RELL1: variants seen among roughly 807,000 people sequenced by gnomAD.
RELL1 encodes the protein RELT-like protein 1.
In RELL1, 10 loss-of-function variants were observed where a neutral mutation model predicts 23.0. That is an observed-to-expected ratio of 0.43 (90% CI 0.27 to 0.74). The LOEUF is 0.74. RELL1 is among the 30% of genes least tolerant of loss of function. The pLI is 0.19. For synonymous variants in RELL1, 146 were observed against 146.8 expected (o/e 0.99, Z 0.04); for missense variants, 315 against 364.4 (o/e 0.86, Z 1.10).
chr4:37,643,694 T>C (rs550018186), intron 3 of RELL1, among the ~76,000 whole-genome samples: 2 of 152,364 alleles, frequency 1.3e-5, no homozygotes, highest in South Asian at 2.1e-4. Flanking sequence ...GTTCAAGTTA[T>C]GTTAATCATT....
chr4:37,612,402 G>C lies in RELL1; in HGVS notation c.*944C>G, dbSNP rs78768375. ...TATATTCCCAGCACTTTGGGAGGCC[G>C]AGGCGGGTAGATCGCCTGAGGTCAG... On this transcript the variant is annotated 3_prime_UTR_variant, in exon 7 of 7. Coordinates refer to ENST00000454158, the MANE Select transcript of RELL1 (RefSeq NM_001085400.2). Among the ~76,000 whole-genome samples the C allele has an allele frequency of 2.0e-5, 3 of 151,264 alleles. No individual in the cohort carries two copies. Among genetic ancestry groups the C allele is most frequent in the African/African-American group, 7.3e-5 (3 of 41,196 alleles).
In RELL1 at chr4:37,669,106, C is replaced by A. The variant is rs1341651725; in HGVS notation, c.88+17094G>T. On this transcript the variant is annotated intron_variant, in intron 1 of 6. Transcript: ENST00000454158. Reference sequence around the variant, plus strand: ...GCCGCCCCGTCTGGGAGGTGAGGGGCGCCTCTGCCCGGCCGCCCCTACTGG... The same window carrying A: ...GCCGCCCCGTCTGGGAGGTGAGGGGAGCCTCTGCCCGGCCGCCCCTACTGG... Among the ~76,000 whole-genome samples the A allele has an allele frequency of 6.3e-3, 725 of 115,004 alleles. 35 individuals carry two copies. Among genetic ancestry groups the A allele is most frequent in the African/African-American group, 0.025 (539 of 21,256 alleles). 75.4% of individuals were successfully genotyped at this position (115,004 alleles called of 152,430 possible). A position where few individuals can be genotyped will look rare whatever the true frequency, so the allele number is the denominator to read the frequency against.
At chr4:37,644,500 C>G (rs568391170) in intron 3 of RELL1, among the ~76,000 whole-genome samples, 1 of 149,062 alleles carries the variant, frequency 6.7e-6, no homozygotes, top group African/African-American at 2.5e-5. Flanking sequence ...CTCACTCTGT[C>G]GCCCAGGCTG....
chr4:37,649,056 C>T (rs1213692851), intron 2 of RELL1, among the ~76,000 whole-genome samples: 1 of 152,182 alleles, frequency 6.6e-6, no homozygotes, highest in East Asian at 1.9e-4. Context: ...TTGTCTAAGG[C>T]CACAGGGCAA....
At chr4:37,608,097 G>A (rs2109224408), downstream of RELL1, among the ~76,000 whole-genome samples, 1 of 152,290 alleles carries the variant, frequency 6.6e-6, no homozygotes, top group East Asian at 1.9e-4. Flanking sequence ...TGTAAATGCT[G>A]TGCATGTGTG....
chr4:37,596,329 C>T (rs1718843459), intron 6 of RELL1, among the ~76,000 whole-genome samples: 2 of 152,090 alleles, frequency 1.3e-5, no homozygotes. Context: ...GATTTCTGGA[C>T]CTACCTCTAG....
intron 1 of RELL1, among the ~76,000 whole-genome samples, chr4:37,656,857 C>A (rs572248227): frequency 4.6e-5 from 7 of 152,246 alleles, no homozygotes; most frequent in African/African-American, 1.7e-4. Flanking sequence ...CCAGATATGG[C>A]TATCCAATCT....
intron 2 of RELL1, 101 bp from the exon 3 acceptor site, chr4:37,647,540 C>T: frequency 1.3e-6 from 1 of 762,998 alleles, no homozygotes. Flanking sequence ...TTTCCAGAAG[C>T]CTCAGGAGAT....
At chr4:37,634,578 C>G (rs913293569) in intron 5 of RELL1, among the ~76,000 whole-genome samples, 1 of 152,242 alleles carries the variant, frequency 6.6e-6, no homozygotes, top group East Asian at 1.9e-4. Flanking sequence ...ATCTCAATAC[C>G]TGCCCTGGAT....
intron 6 of RELL1, among the ~76,000 whole-genome samples, chr4:37,625,591 A>G (rs773427650): frequency 3.3e-4 from 51 of 152,354 alleles, no homozygotes; most frequent in Non-Finnish European, 6.5e-4. Flanking sequence ...AAAGGACATA[A>G]AATTTCAATT....
intron 6 of RELL1, among the ~76,000 whole-genome samples, chr4:37,617,858 G>A (rs1360971963): frequency 6.6e-6 from 1 of 152,222 alleles, no homozygotes; most frequent in Non-Finnish European, 1.5e-5. Context: ...TTTCAAAGTA[G>A]TTGGGAACTA....
chr4:37,600,849 A>C (rs1718998430), intron 6 of RELL1, among the ~76,000 whole-genome samples: 1 of 151,546 alleles, frequency 6.6e-6, no homozygotes, highest in Non-Finnish European at 1.5e-5. Context: ...CATCTGTAAT[A>C]AGTAAACCCA....
chr4:37,630,356 GTT>G (rs59763359), intron 6 of RELL1, among the ~76,000 whole-genome samples: 38 of 86,726 alleles, frequency 4.4e-4, no homozygotes, highest in Admixed American at 1.6e-3. Context: ...TGTGTGTGTG[GTT>G]TTTTTTTTTT....
chr4:37,633,010 C>T (rs1009132364), intron 5 of RELL1, among the ~76,000 whole-genome samples: 2 of 152,188 alleles, frequency 1.3e-5, no homozygotes, highest in African/African-American at 4.8e-5. Context: ...TTCTGTCAAA[C>T]TGTAAGACTC....
At chr4:37,590,631 G>C (rs367617219), downstream of RELL1, 19 of 1,614,028 alleles carry the variant, frequency 1.2e-5, no homozygotes, top group Non-Finnish European at 1.6e-5. Context: ...TTCAGCATTG[G>C]GGCCCAGCTG....
intron 1 of RELL1, among the ~76,000 whole-genome samples, chr4:37,660,839 G>GT (rs1721317301): frequency 6.6e-6 from 1 of 151,786 alleles, no homozygotes; most frequent in Non-Finnish European, 1.5e-5. Flanking sequence ...AGACCATCCT[G>GT]GCTAACACGG....
downstream of RELL1, among the ~76,000 whole-genome samples, chr4:37,586,829 G>A (rs1254843549): frequency 3.3e-5 from 5 of 152,324 alleles, no homozygotes; most frequent in East Asian, 9.7e-4. Context: ...AGAATCACTT[G>A]AACCAGGGAG....
chr4:37,611,737 AAAAAAG>A lies in RELL1; in HGVS notation c.*1603_*1608del, dbSNP rs1276986780. 6.6e-6 allele frequency among the ~76,000 whole-genome samples: 1 copy of A among 150,430 alleles called. No homozygotes were observed. The highest frequency in any genetic ancestry group is 1.5e-5 in the Non-Finnish European group (1 of 68,008). ...TTGTAAAATGTACAGTTATAAAAAA[AAAAAAG>A]AAAAAGAAAAGTTTGCCAGGCCTAA... On this transcript the variant is annotated 3_prime_UTR_variant, in exon 7 of 7. Coordinates refer to ENST00000454158, the MANE Select transcript of RELL1 (RefSeq NM_001085400.2).
intron 1 of RELL1, among the ~76,000 whole-genome samples, chr4:37,663,885 A>G (rs995949864): frequency 6.6e-6 from 1 of 152,140 alleles, no homozygotes; most frequent in Non-Finnish European, 1.5e-5. Flanking sequence ...AGGCCCTTAA[A>G]CACTAAGAAG....
Sources: allele counts gnomAD v4.1 joint callset (sites outside exome capture counted in the v4.1 genomes callset), GRCh38; gene constraint gnomAD v4.1.1; transcripts MANE v1.5; gene names NCBI Gene and HGNC (gene_info 2026-07-23, HGNC 2026-07-21).